Variants in FARP1 observed in about 807,000 individuals in gnomAD.
The protein encoded by FARP1 is FERM, ARH/RhoGEF and pleckstrin domain protein 1.
In FARP1, 52 loss-of-function variants were observed where a neutral mutation model predicts 128.8. That is an observed-to-expected ratio of 0.40 (90% CI 0.32 to 0.51). The LOEUF (loss-of-function observed/expected upper bound fraction) is 0.51, where lower values mean the gene tolerates loss of function less well. Among genes scored for constraint, FARP1 ranks in the 20% least tolerant of loss-of-function variants. The probability of loss-of-function intolerance (pLI) is 0.45; values close to 1 mark genes in which losing one functional copy is unlikely to be tolerated. For synonymous variants in FARP1, 580 were observed against 551.8 expected, an observed-to-expected ratio of 1.05 and a Z score of -0.72; for missense variants, 1,333 against 1,367.9, an observed-to-expected ratio of 0.97 and a Z score of 0.40.
intron 2 of FARP1, among the ~76,000 whole-genome samples, chr13:98,309,325 C>T: frequency 6.9e-6 from 1 of 145,046 alleles, no homozygotes; most frequent in Non-Finnish European, 1.5e-5. Context: ...CACCATCACG[C>T]CCGGCTATTT....
At chr13:98,394,618 G>T (rs1890442459) in intron 12 of FARP1, among the ~76,000 whole-genome samples, 1 of 152,272 alleles carries the variant, frequency 6.6e-6, no homozygotes, top group East Asian at 1.9e-4. Flanking sequence ...CCTGGGCAAC[G>T]TAGACCCCAG....
At chr13:98,355,191 A>G (rs571390595) in intron 3 of FARP1, among the ~76,000 whole-genome samples, 4 of 152,184 alleles carry the variant, frequency 2.6e-5, no homozygotes, top group Admixed American at 1.3e-4. Flanking sequence ...CAAAAAATAC[A>G]AAAACTAGCC....
In FARP1 at chr13:98,300,386, C is replaced by T. The variant is rs371326686; in HGVS notation, c.172-43376C>T. On this transcript the variant is annotated intron_variant, in intron 2 of 26. Transcript: ENST00000319562. Reference sequence around the variant, plus strand: ...CTTGGTAGCAGTCATCCAACCACATCTCTATCATCGTTCTAACCGGCAGTG... The same window carrying T: ...CTTGGTAGCAGTCATCCAACCACATTTCTATCATCGTTCTAACCGGCAGTG... 1.1e-4 allele frequency among the ~76,000 whole-genome samples: 17 copies of T among 152,336 alleles called. No individual in the cohort carries two copies. In the East Asian group the frequency reaches 2.3e-3, roughly 21 times the overall value.
chr13:98,356,970 T>G (rs1353545197), intron 3 of FARP1, among the ~76,000 whole-genome samples: 1 of 152,116 alleles, frequency 6.6e-6, no homozygotes, highest in Non-Finnish European at 1.5e-5. Context: ...GCAATATTCT[T>G]TATTCTGACA....
At chr13:98,304,912 A>C (rs777995740) in intron 2 of FARP1, among the ~76,000 whole-genome samples, 16 of 152,198 alleles carry the variant, frequency 1.1e-4, no homozygotes, top group Non-Finnish European at 2.1e-4. Flanking sequence ...CATGTGCCAC[A>C]AAGAAATACA....
At chr13:98,417,453 T>G in intron 16 of FARP1, among the ~76,000 whole-genome samples, 4 of 79,798 alleles carry the variant, frequency 5.0e-5, no homozygotes, top group African/African-American at 1.2e-4. Context: ...CACCAGAGGT[T>G]TGAAAAAAAA....
chr13:98,448,619 A>C lies in FARP1; in HGVS notation c.*302A>C, dbSNP rs1365022238. 2.9e-5 allele frequency: 10 copies of C among 339,836 alleles called. No homozygotes were observed. Among genetic ancestry groups the C allele is most frequent in the Non-Finnish European group, 5.4e-6 (1 of 184,082 alleles). 21.1% of individuals were successfully genotyped at this position (339,836 alleles called of 1,614,324 possible). ...CTTCCCTCCACCCTGCCCCTGAAAA[A>C]CAGTACACACACATCCGTTCAACAC... On this transcript the variant is annotated 3_prime_UTR_variant, in exon 27 of 27. Coordinates refer to ENST00000319562, the MANE Select transcript of FARP1 (RefSeq NM_005766.4).
chr13:98,341,273 A>G (rs553678107), intron 2 of FARP1, among the ~76,000 whole-genome samples: 3 of 152,228 alleles, frequency 2.0e-5, no homozygotes, highest in African/African-American at 7.2e-5. Flanking sequence ...GCTGTCACTC[A>G]GTCTCCAGGG....
intron 2 of FARP1, among the ~76,000 whole-genome samples, chr13:98,312,914 G>T (rs1203502952): frequency 6.6e-6 from 1 of 152,156 alleles, no homozygotes; most frequent in African/African-American, 2.4e-5. Context: ...AAGAGGGCAG[G>T]AGGAGAAGTG....
chr13:98,287,204 A>AGGCCTTTTTTTTTTT (rs1327624660), intron 2 of FARP1, among the ~76,000 whole-genome samples: 1 of 114,820 alleles, frequency 8.7e-6, no homozygotes, highest in African/African-American at 3.3e-5. Flanking sequence ...ACCATCAGAC[A>AGGCCTTTTTTTTTTT]TGTCTTTTTT....
Position 98,411,992 on chromosome 13 carries a change from A to C in FARP1, c.1784A>C (p.His595Pro). 2.5e-6 allele frequency: 4 copies of C among 1,614,138 alleles called. No individual in the cohort carries two copies. Among genetic ancestry groups the C allele is most frequent in the Non-Finnish European group, 2.5e-6 (3 of 1,179,944 alleles). ...AATTTTGAACCTTTGCACAAATTTC[A>C]TACTAATTTTCTCAAGGAAATTGAG... Reference protein sequence around the residue: ...FPNFEPLHKFHTNFLKEIEQR... With the variant: ...FPNFEPLHKFPTNFLKEIEQR... Residue 595 changes from histidine to proline, a missense_variant, in exon 16 of 27, where the codon CAT becomes CCT. Transcript: ENST00000319562.
chr13:98,395,250 A>C lies in FARP1; in HGVS notation c.1188A>C (p.Thr396=). ...LEQSQQSTSL[T]FGEGAESPGG... ...AGTCTCAGCAGAGCACCAGCCTTACATTTGGAGAAGGTGCCGAATCTCCAG... is the reference window on the plus strand; with the variant it reads ...AGTCTCAGCAGAGCACCAGCCTTACCTTTGGAGAAGGTGCCGAATCTCCAG... Residue 396 remains threonine (T), a synonymous_variant, in exon 13 of 27, where the codon ACA becomes ACC. Transcript: ENST00000319562. 1 of 1,603,736 alleles carries C rather than the reference A, an allele frequency of 6.2e-7. No homozygotes were observed. The highest frequency in any genetic ancestry group is 8.5e-7 in the Non-Finnish European group (1 of 1,171,824).
chr13:98,251,266 C>T (rs1040491669), intron 2 of FARP1, among the ~76,000 whole-genome samples: 5 of 152,184 alleles, frequency 3.3e-5, no homozygotes, highest in African/African-American at 9.7e-5. Flanking sequence ...TTCAGTTAGA[C>T]GGTGGCTAAG....
chr13:98,310,502 T>A (rs1367928097), intron 2 of FARP1, among the ~76,000 whole-genome samples: 4 of 152,246 alleles, frequency 2.6e-5, no homozygotes, highest in Non-Finnish European at 5.9e-5. Flanking sequence ...AATATTCCAA[T>A]CTTAGTGAAA....
At chr13:98,278,754 A>G (rs763349127) in intron 2 of FARP1, among the ~76,000 whole-genome samples, 5 of 152,180 alleles carry the variant, frequency 3.3e-5, no homozygotes, top group Admixed American at 6.5e-5. Flanking sequence ...ATTAATTATG[A>G]ACACTTATGA....
At chr13:98,386,662 G>C (rs1890109475) in intron 8 of FARP1, among the ~76,000 whole-genome samples, 1 of 152,242 alleles carries the variant, frequency 6.6e-6, no homozygotes, top group African/African-American at 2.4e-5. Context: ...TGTGCTTTTA[G>C]TTTCAAAGGG....
intron 5 of FARP1, among the ~76,000 whole-genome samples, chr13:98,376,490 C>A (rs1889589923): frequency 6.6e-6 from 1 of 152,192 alleles, no homozygotes; most frequent in South Asian, 2.1e-4. Flanking sequence ...ACTGTGTATA[C>A]ATACCCCATT....
At chr13:98,142,820 G>T (rs1331442986), upstream of FARP1, 2 of 152,206 alleles carry the variant, frequency 1.3e-5, no homozygotes, top group East Asian at 3.9e-4. Flanking sequence ...TCTCGCCAGT[G>T]GCGCTCCCCG....
chr13:98,438,662 G>T (rs1233310356), intron 19 of FARP1, 142 bp from the exon 20 acceptor site: 1 of 650,462 alleles, frequency 1.5e-6, no homozygotes, highest in East Asian at 2.7e-5. Context: ...AGGTTTGCAC[G>T]CTCGCAGTCC....
Sources: allele counts gnomAD v4.1 joint callset (sites outside exome capture counted in the v4.1 genomes callset), GRCh38; gene constraint gnomAD v4.1.1; transcripts MANE v1.5; gene names NCBI Gene and HGNC (gene_info 2026-07-23, HGNC 2026-07-21).